The following RBFOX1 variants were observed in gnomAD, a reference collection of about 807,000 sequenced individuals.
The protein encoded by RBFOX1 is RNA binding protein fox-1 homolog 1.
A neutral mutation model predicts 57.7 loss-of-function variants in RBFOX1; 8 were observed. The observed-to-expected ratio is 0.14, with a 90% CI of 0.08 to 0.25. The LOEUF is 0.25. Among genes scored for constraint, RBFOX1 ranks in the 10% least tolerant of loss-of-function variants. RBFOX1 has a pLI of 1.00. For missense variants in RBFOX1, 611 were observed against 548.5 expected (o/e 1.11, Z -1.14); for synonymous variants, 326 against 222.4 (o/e 1.47, Z -4.15).
intron 2 of RBFOX1, among the ~76,000 whole-genome samples, chr16:6,405,395 T>C (rs1199342375): frequency 6.6e-6 from 1 of 152,200 alleles, no homozygotes; most frequent in East Asian, 1.9e-4. Flanking sequence ...GTGTTGGGCA[T>C]TGGGAAGTGC....
chr16:7,613,574 CTT>C (rs1249015493), intron 10 of RBFOX1, among the ~76,000 whole-genome samples: 1 of 152,058 alleles, frequency 6.6e-6, no homozygotes, highest in Non-Finnish European at 1.5e-5. Context: ...TTATAACACT[CTT>C]TGATTGCTTA....
intron 3 of RBFOX1, among the ~76,000 whole-genome samples, chr16:5,717,710 T>C (rs897195491): frequency 6.6e-6 from 1 of 152,204 alleles, no homozygotes; most frequent in Non-Finnish European, 1.5e-5. Context: ...CACAGCACTC[T>C]CTCTAATAAT....
At chr16:6,074,270 CCT>C (rs2095870464) in intron 1 of RBFOX1, among the ~76,000 whole-genome samples, 1 of 152,096 alleles carries the variant, frequency 6.6e-6, no homozygotes, top group African/African-American at 2.4e-5. Flanking sequence ...TCTCTCTCCC[CCT>C]CTCTGTTTCT....
chr16:5,406,304 G>T (rs1377789897), intron 1 of RBFOX1, among the ~76,000 whole-genome samples: 1 of 152,116 alleles, frequency 6.6e-6, no homozygotes, highest in African/African-American at 2.4e-5. Flanking sequence ...CAGTGTGGGT[G>T]AGTGCCATCC....
At chr16:7,485,663 CCTAA>C (rs964322494) in intron 4 of RBFOX1, among the ~76,000 whole-genome samples, 47 of 152,254 alleles carry the variant, frequency 3.1e-4, no homozygotes, top group African/African-American at 1.0e-3. Context: ...TAAACATGTG[CCTAA>C]CTGACATCTA....
In RBFOX1 at chr16:7,124,785, A is replaced by C. The variant is rs190947332; in HGVS notation, c.27+72687A>C. On this transcript the variant is annotated intron_variant, in intron 4 of 15. Coordinates refer to ENST00000550418, the MANE Select transcript of RBFOX1 (RefSeq NM_018723.4). ...TTCAATGAGGAATGCTGCACTTCCA[A>C]TGAAAACAGACAGCCAGTGTAGAGA... Among the ~76,000 whole-genome samples the C allele has an allele frequency of 3.9e-5, 6 of 152,186 alleles. No individual in the cohort carries two copies. The East Asian group carries it at 9.7e-4, about 25-fold the overall frequency.
At chr16:6,655,391 AAAAAAAAAAAAAGAG>A (rs2098642024) in intron 3 of RBFOX1, among the ~76,000 whole-genome samples, 1 of 136,796 alleles carries the variant, frequency 7.3e-6, no homozygotes, top group Non-Finnish European at 1.6e-5. Flanking sequence ...AAAAAAAAAA[AAAAAAAAAAAAAGAG>A]CTCGCGCTCA....
chr16:7,112,666 G>GTGTGTT (rs1194774846), intron 4 of RBFOX1, among the ~76,000 whole-genome samples: 2 of 148,156 alleles, frequency 1.3e-5, no homozygotes, highest in African/African-American at 4.9e-5. Context: ...TGTAAACTCT[G>GTGTGTT]TGTGTGTGTG....
intron 1 of RBFOX1, among the ~76,000 whole-genome samples, chr16:6,292,098 G>A (rs2077529023): frequency 6.6e-6 from 1 of 152,108 alleles, no homozygotes; most frequent in Non-Finnish European, 1.5e-5. Flanking sequence ...AGGTGTAATT[G>A]ATAAAGAAAC....
chr16:7,250,900 A>G (rs998773727), intron 4 of RBFOX1, among the ~76,000 whole-genome samples: 2 of 152,226 alleles, frequency 1.3e-5, no homozygotes, highest in Non-Finnish European at 2.9e-5. Context: ...TGAATTGACA[A>G]AGATGGTATA....
chr16:7,016,378 C>A (rs189872986), intron 3 of RBFOX1, among the ~76,000 whole-genome samples: 1 of 152,082 alleles, frequency 6.6e-6, no homozygotes, highest in Admixed American at 6.5e-5. Context: ...TTAGAAGAAG[C>A]CTTTCGGATA....
At chr16:7,370,919 A>T (rs1264129604) in intron 4 of RBFOX1, among the ~76,000 whole-genome samples, 7 of 152,220 alleles carry the variant, frequency 4.6e-5, no homozygotes, top group Non-Finnish European at 1.0e-4. Flanking sequence ...TGGTGACTGC[A>T]GCCAGGGTGA....
chr16:7,430,093 T>G (rs1373605322), intron 4 of RBFOX1, among the ~76,000 whole-genome samples: 1 of 152,224 alleles, frequency 6.6e-6, no homozygotes, highest in African/African-American at 2.4e-5. Flanking sequence ...TGAATTGATT[T>G]TTAAAAACTT....
chr16:6,722,237 G>A (rs1184177607), intron 3 of RBFOX1, among the ~76,000 whole-genome samples: 1 of 152,198 alleles, frequency 6.6e-6, no homozygotes, highest in East Asian at 1.9e-4. Flanking sequence ...TGTTTTCCAA[G>A]AGGCTAAACC....
intron 4 of RBFOX1, among the ~76,000 whole-genome samples, chr16:5,954,287 A>G (rs574279749): frequency 7.5e-4 from 114 of 152,172 alleles, no homozygotes; most frequent in African/African-American, 2.7e-3. Context: ...CTCTGGAGAG[A>G]TGGACAGGCC....
At chr16:6,817,245 G>C (rs2090279739) in intron 3 of RBFOX1, among the ~76,000 whole-genome samples, 1 of 152,110 alleles carries the variant, frequency 6.6e-6, no homozygotes, top group African/African-American at 2.4e-5. Context: ...AGTGGAATCA[G>C]ACACCCAGGT....
At chr16:7,233,569 C>G (rs1405990814) in intron 4 of RBFOX1, among the ~76,000 whole-genome samples, 2 of 152,192 alleles carry the variant, frequency 1.3e-5, no homozygotes, top group South Asian at 2.1e-4. Flanking sequence ...CTATTTTGCT[C>G]TAATGTGTAC....
At chr16:5,818,086 C>T (rs1445041818) in intron 3 of RBFOX1, among the ~76,000 whole-genome samples, 1 of 152,108 alleles carries the variant, frequency 6.6e-6, no homozygotes, top group Non-Finnish European at 1.5e-5. Flanking sequence ...TAAAGATATT[C>T]AATAACTTTA....
rs139395573 is a variant in RBFOX1 at position 6,972,128 on chromosome 16, A to G, written c.-15-79929A>G. 5.7e-3 allele frequency among the ~76,000 whole-genome samples: 865 copies of G among 152,276 alleles called. 9 individuals are homozygous for G. The highest frequency in any genetic ancestry group is 0.034 in the Middle Eastern group (10 of 294). The stretch of plus-strand genomic sequence containing the variant: ...AAAGCACACAACATCTAACCATCTT[A>G]ACCATTTGTAAGAATATAGTTCAGT... On this transcript the variant is annotated intron_variant, in intron 3 of 15. Coordinates refer to ENST00000550418, the MANE Select transcript of RBFOX1 (RefSeq NM_018723.4).
Sources: gnomAD v4.1 joint callset for allele counts (sites outside exome capture counted in the v4.1 genomes callset) on GRCh38, gnomAD v4.1.1 for gene constraint, MANE v1.5 for transcripts, NCBI Gene and HGNC (gene_info 2026-07-23, HGNC 2026-07-21) for gene names.